Variants in PATJ observed in about 807,000 individuals in gnomAD.
PATJ encodes PATJ crumbs cell polarity complex component, also known as inaD-like protein.
Under a neutral mutation model 224.9 loss-of-function variants are expected in PATJ, and 190 were observed. That is an observed-to-expected ratio of 0.84 (90% CI 0.75 to 0.95). PATJ has a LOEUF of 0.95. PATJ is among the 40% of genes least tolerant of loss of function. The probability of loss-of-function intolerance (pLI) is 0.00; values close to 1 mark genes in which losing one functional copy is unlikely to be tolerated. For missense variants in PATJ, 2,121 were observed against 2,270.3 expected, an observed-to-expected ratio of 0.93 and a Z score of 1.34; for synonymous variants, 769 against 820.3, an observed-to-expected ratio of 0.94 and a Z score of 1.07.
At chr1:61,918,307 C>CTTTT (rs981322479) in intron 26 of PATJ, among the ~76,000 whole-genome samples, 7 of 115,604 alleles carry the variant, frequency 6.1e-5, no homozygotes, top group African/African-American at 1.4e-4. Flanking sequence ...TTTGTGTATT[C>CTTTT]TTTTTTTTTT....
chr1:61,852,177 T>C (rs935799309), intron 17 of PATJ, among the ~76,000 whole-genome samples: 1 of 149,054 alleles, frequency 6.7e-6, no homozygotes, highest in Non-Finnish European at 1.5e-5. Context: ...ATAAATGGGC[T>C]GAACCAAACA....
At position 61,795,570 on chromosome 1, in the gene PATJ, G is replaced by T; in HGVS notation, c.1260+12G>T. The T allele has an allele frequency of 1.3e-6, 2 of 1,545,154 alleles. No homozygotes were observed. The highest frequency in any genetic ancestry group is 1.8e-6 in the Non-Finnish European group (2 of 1,119,438). The stretch of plus-strand genomic sequence containing the variant: ...ACAAAATAGTTGCTGTAAGTAACTC[G>T]CCTCTGTTTTAGGTTTGATTCTAGT... On this transcript the variant is annotated intron_variant, in intron 10 of 43. Transcript: ENST00000642238.
chr1:62,056,863 C>G (rs1654634080), intron 31 of PATJ, among the ~76,000 whole-genome samples: 1 of 152,148 alleles, frequency 6.6e-6, no homozygotes, highest in African/African-American at 2.4e-5. Flanking sequence ...ACTCTGTCAC[C>G]TGGGCTGGAG....
At chr1:62,015,008 T>C (rs1430156894) in intron 28 of PATJ, among the ~76,000 whole-genome samples, 1 of 152,000 alleles carries the variant, frequency 6.6e-6, no homozygotes, top group African/African-American at 2.4e-5. Flanking sequence ...ATATTAAGAA[T>C]AGAAACGTAT....
At chr1:61,748,572 A>G (rs1011164299) in intron 1 of PATJ, among the ~76,000 whole-genome samples, 1 of 151,700 alleles carries the variant, frequency 6.6e-6, no homozygotes, top group African/African-American at 2.4e-5. Flanking sequence ...ATGGATTAAT[A>G]CTCCAAATTA....
At chr1:62,025,193 C>T (rs1330497716) in intron 29 of PATJ, among the ~76,000 whole-genome samples, 1 of 152,200 alleles carries the variant, frequency 6.6e-6, no homozygotes, top group Admixed American at 6.5e-5. Context: ...CTTCCTGTCA[C>T]TTGTAAGCTT....
At chr1:62,045,111 C>T (rs192758514) in intron 30 of PATJ, among the ~76,000 whole-genome samples, 2 of 152,170 alleles carry the variant, frequency 1.3e-5, no homozygotes, top group East Asian at 1.9e-4. Flanking sequence ...ATCTCAGCTA[C>T]TCGGGAGGCT....
Position 62,161,183 on chromosome 1 carries a change from C to G in PATJ, c.*129C>G. 1 of 641,260 alleles carries G rather than the reference C, an allele frequency of 1.6e-6. No individual in the cohort carries two copies. Among genetic ancestry groups the G allele is most frequent in the Non-Finnish European group, 2.3e-6 (1 of 432,162 alleles). The allele number at this position is 641,260 out of a possible 1,614,324, so 39.7% of individuals were successfully genotyped here. A position where few individuals can be genotyped will look rare whatever the true frequency, so the allele number is the denominator to read the frequency against. ...ATTCTTATTTCTTGCCCTCTCTGCT[C>G]AGGAGAAATGGCTGAGGTTTCATGT... On this transcript the variant is annotated 3_prime_UTR_variant, in exon 44 of 44. Transcript: ENST00000642238.
At chr1:61,799,079 T>C (rs1651937645) in intron 11 of PATJ, among the ~76,000 whole-genome samples, 1 of 152,204 alleles carries the variant, frequency 6.6e-6, no homozygotes, top group African/African-American at 2.4e-5. Flanking sequence ...TAGTAGAACT[T>C]TTGTTGCTGA....
intron 14 of PATJ, 122 bp downstream of exon 14, chr1:61,808,652 A>G (rs1654065775): frequency 6.6e-6 from 4 of 605,452 alleles, no homozygotes; most frequent in East Asian, 3.0e-5. Context: ...TTCCCTCCCA[A>G]AGTGTTAGGA....
chr1:61,975,458 T>C (rs1448814582), intron 27 of PATJ, among the ~76,000 whole-genome samples: 1 of 152,128 alleles, frequency 6.6e-6, no homozygotes, highest in African/African-American at 2.4e-5. Context: ...ATTCAGAATT[T>C]TTTTTTAATA....
At chr1:61,894,903 T>C (rs965985195) in intron 22 of PATJ, among the ~76,000 whole-genome samples, 5 of 152,160 alleles carry the variant, frequency 3.3e-5, no homozygotes, top group African/African-American at 1.2e-4. Context: ...ATGCTGATAG[T>C]GATATGGACA....
chr1:61,750,028 G>A (rs944482422), intron 1 of PATJ, among the ~76,000 whole-genome samples: 1 of 152,202 alleles, frequency 6.6e-6, no homozygotes, highest in Non-Finnish European at 1.5e-5. Flanking sequence ...ACAGTATGAT[G>A]TAATTTATAT....
At chr1:62,145,053 G>A (rs998119783) in intron 41 of PATJ, among the ~76,000 whole-genome samples, 2 of 152,002 alleles carry the variant, frequency 1.3e-5, no homozygotes, top group East Asian at 3.9e-4. Context: ...GAGCTCAAGT[G>A]ATCCGCCCAC....
At position 61,911,307 on chromosome 1, in the gene PATJ, G is replaced by A. The variant is rs145505746; in HGVS notation, c.3492+2825G>A. ...CAGCTCACTGCAACCTCCGCCACCC[G>A]GATTCAAGTAATTCTTCTGCCTCAG... On this transcript the variant is annotated intron_variant, in intron 25 of 43. Transcript: ENST00000642238. 1.1e-3 allele frequency among the ~76,000 whole-genome samples: 165 copies of A among 152,156 alleles called. 4 individuals carry two copies. The East Asian group carries it at 0.029, about 27-fold the overall frequency.
At chr1:61,818,443 A>C (rs1043609844) in intron 14 of PATJ, among the ~76,000 whole-genome samples, 1 of 152,232 alleles carries the variant, frequency 6.6e-6, no homozygotes, top group Non-Finnish European at 1.5e-5. Context: ...AGAACTCTGC[A>C]TACTGAAAGG....
chr1:61,947,701 T>C (rs1678965576), intron 27 of PATJ, among the ~76,000 whole-genome samples: 1 of 152,112 alleles, frequency 6.6e-6, no homozygotes, highest in African/African-American at 2.4e-5. Context: ...CTTCACAGAA[T>C]TGGAAAAAAC....
chr1:61,777,769 G>A lies in PATJ; in HGVS notation c.849+2435G>A, dbSNP rs575455395. On this transcript the variant is annotated intron_variant, in intron 7 of 43. Coordinates refer to ENST00000642238, the MANE Select transcript of PATJ (RefSeq NM_001350145.3). ...TTTGCCTAGGCTAGAGTGCAGTGGC[G>A]TGATCCTATCTCACTGCAGCCTCGA... Among the ~76,000 whole-genome samples the A allele has an allele frequency of 2.4e-4, 33 of 134,844 alleles. No homozygotes were observed. The Admixed American group carries it at 2.7e-3, about 11-fold the overall frequency. The allele number at this position is 134,844 out of a possible 152,430, so 88.5% of individuals were successfully genotyped here. A position where few individuals can be genotyped will look rare whatever the true frequency, so the allele number is the denominator to read the frequency against.
At chr1:62,158,470 A>T (rs1669472909) in intron 43 of PATJ, among the ~76,000 whole-genome samples, 1 of 148,784 alleles carries the variant, frequency 6.7e-6, no homozygotes, top group Non-Finnish European at 1.5e-5. Context: ...CTGTAATCCC[A>T]GCACTTTGGG....
Sources: gnomAD v4.1 joint callset for allele counts (sites outside exome capture counted in the v4.1 genomes callset) on GRCh38, gnomAD v4.1.1 for gene constraint, MANE v1.5 for transcripts, NCBI Gene and HGNC (gene_info 2026-07-23, HGNC 2026-07-21) for gene names.